LIPE: variants seen among roughly 807,000 people sequenced by gnomAD.
LIPE encodes the protein lipase E, hormone sensitive type, also known as hormone-sensitive lipase.
LIPE carries 66 observed loss-of-function variants against 88.5 expected under a neutral mutation model. The observed-to-expected ratio is 0.75, with a 90% confidence interval of 0.61 to 0.91. The LOEUF (loss-of-function observed/expected upper bound fraction) is 0.91. LIPE is among the 40% of genes least tolerant of loss of function. The probability of loss-of-function intolerance (pLI) is 0.00; values close to 1 mark genes in which losing one functional copy is unlikely to be tolerated. For missense variants in LIPE, 1,346 were observed against 1,434.7 expected, an observed-to-expected ratio of 0.94 and a Z score of 1.00; for synonymous variants, 570 against 617.5, an observed-to-expected ratio of 0.92 and a Z score of 1.14.
At chr19:42,425,097 G>C (rs550165757) in intron 1 of LIPE, 46 of 191,824 alleles carry the variant, frequency 2.4e-4, no homozygotes, top group South Asian at 1.5e-3. Context: ...TATGGAGGCA[G>C]CCTGGCAGGG....
chr19:42,424,427 C>A (rs764717132), intron 1 of LIPE: 2 of 456,204 alleles, frequency 4.4e-6, no homozygotes, highest in East Asian at 1.4e-4. Context: ...CAACCTCGCC[C>A]GCCGCGGTGG....
At chr19:42,416,489 G>A (rs2040490293) in intron 1 of LIPE, among the ~76,000 whole-genome samples, 1 of 152,134 alleles carries the variant, frequency 6.6e-6, no homozygotes, top group East Asian at 1.9e-4. Flanking sequence ...GGTATTGGAA[G>A]AAGATGCCAT....
rs137858123 is a variant in LIPE at position 42,408,088 on chromosome 19, C to T, written c.1544G>A (p.Arg515His). 7 of 1,613,918 alleles carry T rather than the reference C, an allele frequency of 4.3e-6. No individual in the cohort carries two copies. The highest frequency in any genetic ancestry group is 1.7e-5 in the Admixed American group (1 of 60,008). The stretch of plus-strand genomic sequence containing the variant: ...ACGCAGCTCGGGGTCGATGGCAAAG[C>T]GGCCGCTGGTGAAGAGAGAGCTGGC... ...VAASSLFTSG[R>H]FAIDPELRGA... Residue 515 changes from arginine (R) to histidine (H), a missense_variant, in exon 4 of 10, where the codon CGC becomes CAC. Arg to His is a conservative substitution (Grantham distance 29, BLOSUM62 0). Coordinates refer to ENST00000244289, the MANE Select transcript of LIPE (RefSeq NM_005357.4). The surrounding 1 kb of genome is among the most constrained non-coding windows in gnomAD (Gnocchi z 4.3).
intron 8 of LIPE, 59 bp downstream of exon 8, chr19:42,405,326 T>C (rs35213092): frequency 6.4e-7 from 1 of 1,556,808 alleles, no homozygotes; most frequent in African/African-American, 1.3e-5. Flanking sequence ...ACTTTTGCTG[T>C]GCTAGGCTGT....
Position 42,401,899 on chromosome 19 carries a change from G to A in LIPE, c.3144C>T (p.Arg1048=), listed in dbSNP as rs1445107401. The A allele has an allele frequency of 1.3e-6, 2 of 1,547,158 alleles. No homozygotes were observed. Among genetic ancestry groups the A allele is most frequent in the South Asian group, 2.4e-5 (2 of 83,984 alleles). Residue 1048 remains arginine (R), a synonymous_variant, in exon 10 of 10, where the codon CGC becomes CGT. Transcript: ENST00000244289. ...CTCCGGCGGGAGGAGTGAGGACGAG[G>A]CGGATGCGCTCCACGCACAGCTCTG... ...QAAELCVERI[R]LVLTPPAGAG... is the part of the protein sequence containing the mutation.
At chr19:42,420,010 T>C (rs2040565036) in intron 1 of LIPE, among the ~76,000 whole-genome samples, 1 of 126,812 alleles carries the variant, frequency 7.9e-6, no homozygotes, top group African/African-American at 3.2e-5. Flanking sequence ...ATTTCTTTTC[T>C]TTTTTTTTTT....
At chr19:42,424,574 G>A (rs1426188534) in intron 1 of LIPE, 2 of 456,230 alleles carry the variant, frequency 4.4e-6, no homozygotes, top group Non-Finnish European at 8.8e-6. Flanking sequence ...AGCATACCCA[G>A]CAGCCCCGGC....
intron 8 of LIPE, among the ~76,000 whole-genome samples, chr19:42,403,238 AGGATGTGTGTGT>A (rs1445194453): frequency 3.0e-5 from 3 of 99,516 alleles, no homozygotes; most frequent in Admixed American, 1.0e-4. Context: ...GTTCTAGTGA[AGGATGTGTGTGT>A]GTGTGTGTGT....
intron 1 of LIPE, among the ~76,000 whole-genome samples, chr19:42,417,379 C>T (rs182947326): frequency 3.2e-4 from 49 of 152,270 alleles, no homozygotes; most frequent in Non-Finnish European, 6.2e-4. Flanking sequence ...CCTACTTCAG[C>T]CTCCTGAGTA....
intron 1 of LIPE, among the ~76,000 whole-genome samples, chr19:42,421,301 C>A (rs34124946): frequency 1.3e-5 from 2 of 152,250 alleles, no homozygotes; most frequent in South Asian, 4.1e-4. Flanking sequence ...CCTCAAGCCT[C>A]GGGTCTTTCT....
At position 42,401,763 on chromosome 19, in the gene LIPE, C is replaced by T. The variant is rs775130599; in HGVS notation, c.*49G>A. On this transcript the variant is annotated 3_prime_UTR_variant, in exon 10 of 10. Transcript: ENST00000244289. ...CAGCCCGCGTCCCCTTCCGCCCGGCCCGGAAGGCATTCATGACGGAGGCCG... is the reference window on the plus strand; with the variant it reads ...CAGCCCGCGTCCCCTTCCGCCCGGCTCGGAAGGCATTCATGACGGAGGCCG... 7.3e-7 allele frequency: 1 copy of T among 1,368,496 alleles called. No homozygotes were observed. Among genetic ancestry groups the T allele is most frequent in the Non-Finnish European group, 9.5e-7 (1 of 1,051,790 alleles). The allele number at this position is 1,368,496 out of a possible 1,614,324, so 84.8% of individuals were successfully genotyped here. A position where few individuals can be genotyped will look rare whatever the true frequency, so the allele number is the denominator to read the frequency against.
chr19:42,425,143 G>T (rs1303856277), intron 1 of LIPE: 1 of 173,836 alleles, frequency 5.8e-6, no homozygotes, highest in African/African-American at 2.4e-5. Flanking sequence ...GACAGACCTG[G>T]TAAACTGAGA....
intron 1 of LIPE, among the ~76,000 whole-genome samples, chr19:42,418,437 C>T (rs944740599): frequency 6.6e-6 from 1 of 152,204 alleles, no homozygotes; most frequent in Non-Finnish European, 1.5e-5. Flanking sequence ...CCACCACCCT[C>T]GTGAGTCAGC....
chr19:42,419,063 G>A (rs2040545092), intron 1 of LIPE, among the ~76,000 whole-genome samples: 1 of 152,166 alleles, frequency 6.6e-6, no homozygotes, highest in African/African-American at 2.4e-5. Context: ...TGGATCACCT[G>A]AGATCGGGAG....
chr19:42,419,781 A>C (rs2040559442), intron 1 of LIPE, among the ~76,000 whole-genome samples: 1 of 152,096 alleles, frequency 6.6e-6, no homozygotes, highest in Non-Finnish European at 1.5e-5. Flanking sequence ...GGAAGCCTGG[A>C]ATCAGATGCA....
chr19:42,413,192 C>G (rs1165967361), intron 1 of LIPE, among the ~76,000 whole-genome samples: 1 of 152,256 alleles, frequency 6.6e-6, no homozygotes, highest in African/African-American at 2.4e-5. Context: ...TATGCACGCC[C>G]CCGTTATTTT....
chr19:42,416,205 G>A (rs762667801), intron 1 of LIPE, among the ~76,000 whole-genome samples: 7 of 152,026 alleles, frequency 4.6e-5, no homozygotes, highest in Admixed American at 2.0e-4. Flanking sequence ...GAAGCCGGGC[G>A]TGGTGGCGCA....
At chr19:42,402,346 T>C (rs922968702) in intron 9 of LIPE, among the ~76,000 whole-genome samples, 6 of 151,980 alleles carry the variant, frequency 3.9e-5, no homozygotes, top group African/African-American at 9.7e-5. Flanking sequence ...ACCTTTTTTT[T>C]CTCTTGATTC....
intron 1 of LIPE, chr19:42,424,655 C>A (rs531127779): frequency 4.4e-6 from 2 of 456,140 alleles, no homozygotes; most frequent in Non-Finnish European, 8.8e-6. Context: ...GCGGAGGGGC[C>A]GCCATTGCCT....
Sources: allele counts gnomAD v4.1 joint callset (sites outside exome capture counted in the v4.1 genomes callset), GRCh38; gene constraint gnomAD v4.1.1; non-coding constraint Gnocchi (gnomAD v3.1); transcripts MANE v1.5; gene names NCBI Gene and HGNC (gene_info 2026-07-23, HGNC 2026-07-21).